DCAF1: variants seen among roughly 807,000 people sequenced by gnomAD.
DCAF1 encodes the protein DDB1- and CUL4-associated factor 1.
Under a neutral mutation model 128.0 loss-of-function variants are expected in DCAF1, and 15 were observed. That is an observed-to-expected ratio of 0.12 (90% CI 0.08 to 0.18). DCAF1 has a LOEUF of 0.18. DCAF1 is among the 10% of genes least tolerant of loss of function. The pLI is 1.00. For synonymous variants in DCAF1, 610 were observed against 603.0 expected, an observed-to-expected ratio of 1.01 and a Z score of -0.17; for missense variants, 988 against 1,649.5, an observed-to-expected ratio of 0.60 and a Z score of 6.95.
chr3:51,396,154 A>C (rs2089189457), downstream of DCAF1: 1 of 393,426 alleles, frequency 2.5e-6, no homozygotes, highest in Non-Finnish European at 4.7e-6. Flanking sequence ...TTCATGAAGC[A>C]GGTGCTCAGG....
rs375651075 is a variant in DCAF1 at position 51,422,392 on chromosome 3, A to T, written c.1887T>A (p.Ile629=). Residue 629 remains isoleucine (I), a synonymous_variant, in exon 14 of 25, where the codon ATT becomes ATA. Transcript: ENST00000684031. ...TVRFALDVLA[I]LTVVPKIQLQ... ...GCTGGATTTTTGGCACCACAGTAAG[A>T]ATAGCCAGGACATCCAAAGCAAAGC... The T allele has an allele frequency of 4.2e-5, 31 of 737,102 alleles. No individual in the cohort carries two copies. Among genetic ancestry groups the T allele is most frequent in the Non-Finnish European group, 7.1e-5 (28 of 395,534 alleles). 45.7% of individuals were successfully genotyped at this position (737,102 alleles called of 1,614,324 possible). A position where few individuals can be genotyped will look rare whatever the true frequency, so the allele number is the denominator to read the frequency against.
intron 23 of DCAF1, among the ~76,000 whole-genome samples, chr3:51,405,846 G>C (rs561034065): frequency 1.3e-5 from 2 of 152,066 alleles, no homozygotes; most frequent in Non-Finnish European, 2.9e-5. Flanking sequence ...GGTCCAAAAA[G>C]TAAAAACTAA....
At chr3:51,461,253 A>G (rs1286563022) in intron 6 of DCAF1, among the ~76,000 whole-genome samples, 1 of 152,178 alleles carries the variant, frequency 6.6e-6, no homozygotes, top group Non-Finnish European at 1.5e-5. Context: ...TGGGCGAAGG[A>G]TATGAACAGA....
chr3:51,413,209 A>C (rs1191170236), intron 21 of DCAF1, 73 bp downstream of exon 21: 62 of 1,553,034 alleles, frequency 4.0e-5, no homozygotes, highest in Non-Finnish European at 5.0e-5. Context: ...ACAGGCCTCC[A>C]GAAAATGAAG....
chr3:51,397,310 T>C (rs2089263744), downstream of DCAF1: 1 of 167,016 alleles, frequency 6.0e-6, no homozygotes, highest in South Asian at 2.1e-4. Flanking sequence ...GGTTACACAG[T>C]TTAACCATAG....
At chr3:51,462,745 C>CAAAAAAA (rs10715121) in intron 6 of DCAF1, among the ~76,000 whole-genome samples, 1 of 79,358 alleles carries the variant, frequency 1.3e-5, no homozygotes, top group African/African-American at 4.5e-5. Context: ...GACACCATCT[C>CAAAAAAA]AAAAAAAAAA....
chr3:51,430,571 G>C (rs1291016098), intron 10 of DCAF1, among the ~76,000 whole-genome samples: 1 of 152,164 alleles, frequency 6.6e-6, no homozygotes, highest in East Asian at 1.9e-4. Context: ...AAGTGGCTCA[G>C]ATTTCTGATC....
upstream of DCAF1, among the ~76,000 whole-genome samples, chr3:51,503,612 G>A (rs1249344729): frequency 6.6e-6 from 1 of 152,092 alleles, no homozygotes; most frequent in Non-Finnish European, 1.5e-5. Flanking sequence ...CAGCAGTGTC[G>A]CAGGAGCCAC....
chr3:51,497,866 C>G (rs983098414), intron 1 of DCAF1, among the ~76,000 whole-genome samples: 1 of 151,682 alleles, frequency 6.6e-6, no homozygotes, highest in African/African-American at 2.4e-5. Flanking sequence ...ATGGCTAACA[C>G]GGTGAAACCC....
In DCAF1 at chr3:51,419,631, ACAAT is replaced by A. The variant is rs1286517197; in HGVS notation, c.3236+99_3236+102del. 4 of 1,495,518 alleles carry A rather than the reference ACAAT, an allele frequency of 2.7e-6. No individual in the cohort carries two copies. In the East Asian group the frequency reaches 9.1e-5, roughly 34 times the overall value. 92.6% of individuals were successfully genotyped at this position (1,495,518 alleles called of 1,614,324 possible). ...CATTGTTCAAGTATTACACAAAGTA[ACAAT>A]CAGTGGTATTTCAGGACAACTATGC... On this transcript the variant is annotated intron_variant, in intron 15 of 24. Transcript: ENST00000684031.
chr3:51,457,419 C>G (rs543185353), intron 6 of DCAF1, among the ~76,000 whole-genome samples: 44 of 152,118 alleles, frequency 2.9e-4, no homozygotes, highest in Non-Finnish European at 6.2e-4. Flanking sequence ...TATGTGAAAA[C>G]ACCAAATCTA....
At chr3:51,476,394 A>G (rs1175673498) in intron 3 of DCAF1, among the ~76,000 whole-genome samples, 1 of 151,762 alleles carries the variant, frequency 6.6e-6, no homozygotes, top group African/African-American at 2.4e-5. Flanking sequence ...ATCTCAAAAC[A>G]AACAAAAAAC....
At position 51,496,670 on chromosome 3, in the gene DCAF1, A is replaced by C. The variant is rs537139676; in HGVS notation, c.-9+64T>G. ...GGAAACTAGCTCAGAGAGGTCCCCA[A>C]GACCAGCTAGTACTAGGTAGAAAAA... On this transcript the variant is annotated intron_variant, in intron 2 of 24. Transcript: ENST00000684031. 3.3e-5 allele frequency among the ~76,000 whole-genome samples: 5 copies of C among 152,148 alleles called. No individual in the cohort carries two copies. In the East Asian group the frequency reaches 9.6e-4, roughly 29 times the overall value.
chr3:51,466,881 CAA>C lies in DCAF1; in HGVS notation c.188-7_188-6del. 1.9e-6 allele frequency: 3 copies of C among 1,613,440 alleles called. No individual in the cohort carries two copies. Among genetic ancestry groups the C allele is most frequent in the Non-Finnish European group, 2.5e-6 (3 of 1,179,598 alleles). ...TACACTCTGGATCAGCTCGACCTAC[CAA>C]GAGAAGAGGGGAGGAACAAACAAAG... On this transcript the variant is annotated splice_polypyrimidine_tract_variant and splice_region_variant and intron_variant, in intron 4 of 24. Transcript: ENST00000684031.
At chr3:51,460,115 T>A (rs557876412) in intron 6 of DCAF1, among the ~76,000 whole-genome samples, 2 of 152,298 alleles carry the variant, frequency 1.3e-5, no homozygotes, top group Non-Finnish European at 2.9e-5. Flanking sequence ...GGAAGTCAAA[T>A]TGTCCCTGTT....
intron 13 of DCAF1, among the ~76,000 whole-genome samples, chr3:51,424,693 C>A (rs1185659638): frequency 4.6e-5 from 7 of 152,030 alleles, no homozygotes; most frequent in African/African-American, 1.7e-4. Context: ...AAATAAATAT[C>A]AACATATATA....
rs377440352 is a variant in DCAF1 at position 51,420,670 on chromosome 3, C to A, written c.2300G>T (p.Arg767Leu). The A allele has an allele frequency of 2.5e-6, 4 of 1,613,934 alleles. No homozygotes were observed. The highest frequency in any genetic ancestry group is 1.3e-5 in the African/African-American group (1 of 74,934). ...GATGATCTGCCGGACAGTGCTACTG[C>A]GAGACAGGCCCACTAGGGCTTTGCA... ...LACKALVGLS[R>L]SSTVRQIISK... The change falls in exon 15 of 25, where the codon CGC (arginine) becomes CTC (leucine). Residue 767 changes from arginine to leucine, a missense_variant. Physicochemically the swap from Arg to Leu is moderately radical, Grantham distance 102. Around this residue, in one of 11 missense-constraint regions of DCAF1, gnomAD observed 76 missense variants for 186.9 expected, o/e 0.41. Transcript: ENST00000684031. This position sits in a 1 kb window ranked among gnomAD's most constrained non-coding sequence, Gnocchi z 6.5.
rs372507258 is a variant in DCAF1 at position 51,421,037 on chromosome 3, T to G, written c.1973-40A>C. On this transcript the variant is annotated intron_variant, in intron 14 of 24. Transcript: ENST00000684031. ...AATTATGTATTATTCACCATAAAAC[T>G]AATGGCCAACTTCAATAGTTGTTCC... The G allele has an allele frequency of 6.4e-6, 10 of 1,557,896 alleles. No individual in the cohort carries two copies. The African/African-American group carries it at 1.2e-4, about 19-fold the overall frequency.
intron 19 of DCAF1, 58 bp from the exon 20 acceptor site, chr3:51,414,101 G>A (rs1559481671): frequency 6.7e-7 from 1 of 1,491,318 alleles, no homozygotes; most frequent in Non-Finnish European, 9.0e-7. Context: ...AATCTCATGG[G>A]AGGAAATTCT....
Sources: gnomAD v4.1 joint callset for allele counts (sites outside exome capture counted in the v4.1 genomes callset) on GRCh38, gnomAD v4.1.1 for gene constraint, gnomAD v4.1.1 regional missense constraint, Gnocchi (gnomAD v3.1) non-coding constraint, MANE v1.5 for transcripts, NCBI Gene and HGNC (gene_info 2026-07-23, HGNC 2026-07-21) for gene names.